OSBPL11: variants seen among roughly 807,000 people sequenced by gnomAD.
The protein encoded by OSBPL11 is oxysterol binding protein like 11, also known as oxysterol-binding protein-related protein 11.
OSBPL11 carries 33 observed loss-of-function variants against 84.4 expected under a neutral mutation model. That is an observed-to-expected ratio of 0.39 (90% CI 0.30 to 0.52). The LOEUF is 0.52. Among genes scored for constraint, OSBPL11 ranks in the 20% least tolerant of loss-of-function variants. OSBPL11 has a pLI of 0.72. For synonymous variants in OSBPL11, 276 were observed against 310.2 expected (o/e 0.89, Z 1.16); for missense variants, 736 against 901.1 (o/e 0.82, Z 2.35).
intron 10 of OSBPL11, among the ~76,000 whole-genome samples, chr3:125,543,704 C>T (rs562351880): frequency 1.3e-5 from 2 of 152,136 alleles, no homozygotes; most frequent in East Asian, 3.9e-4. Flanking sequence ...AGTTCAAGAC[C>T]AGCCTGGCCA....
rs768579636 is a variant in OSBPL11, at chr3:125,594,795, C to G, written c.6G>C (p.Gln2His). 2 of 1,613,514 alleles carry G rather than the reference C, an allele frequency of 1.2e-6. No individual in the cohort carries two copies. The highest frequency in any genetic ancestry group is 2.2e-5 in the South Asian group (2 of 91,064). Residue 2 changes from glutamine (Q) to histidine (H), a missense_variant, in exon 1 of 13, where the codon CAG (glutamine) becomes CAC (histidine). Coordinates refer to ENST00000296220, the MANE Select transcript of OSBPL11 (RefSeq NM_022776.5). Reference protein sequence around the residue: MQGGEPVSTMKV... With the variant: MHGGEPVSTMKV... ...TCATTGTGGACACTGGTTCACCCCC[C>G]TGCATCTTAACGCCAAAGTCCACTT...
At chr3:125,534,091 C>T (rs1935601915) in intron 11 of OSBPL11, among the ~76,000 whole-genome samples, 1 of 152,062 alleles carries the variant, frequency 6.6e-6, no homozygotes. Context: ...GCACATGAAA[C>T]ATTTACCAAG....
At chr3:125,538,783 G>A in intron 10 of OSBPL11, 150 bp from the exon 11 acceptor site, 1 of 583,310 alleles carries the variant, frequency 1.7e-6, no homozygotes, top group Non-Finnish European at 2.9e-6. Context: ...TAGATTCTTT[G>A]TATGTCCTAA....
At chr3:125,547,362 A>G (rs561948155) in intron 10 of OSBPL11, 44 bp downstream of exon 10, 2 of 1,531,418 alleles carry the variant, frequency 1.3e-6, no homozygotes, top group Admixed American at 3.6e-5. Context: ...ATACAAAATC[A>G]AAGTGGAAGA....
chr3:125,560,770 G>T (rs1319571675), intron 7 of OSBPL11, among the ~76,000 whole-genome samples: 1 of 151,874 alleles, frequency 6.6e-6, no homozygotes, highest in Non-Finnish European at 1.5e-5. Context: ...TTTCTTTTTT[G>T]GGGGGAAAAT....
chr3:125,568,835 G>C (rs558697478), intron 5 of OSBPL11, among the ~76,000 whole-genome samples: 1 of 152,300 alleles, frequency 6.6e-6, no homozygotes, highest in East Asian at 1.9e-4. Flanking sequence ...TGACCTTCAG[G>C]TGTGAGCAGA....
intron 11 of OSBPL11, among the ~76,000 whole-genome samples, chr3:125,536,886 C>T (rs867341499): frequency 2.0e-5 from 3 of 151,964 alleles, no homozygotes; most frequent in African/African-American, 4.8e-5. Context: ...CGGCCAGGCA[C>T]GGTGGCTCAT....
intron 10 of OSBPL11, among the ~76,000 whole-genome samples, chr3:125,543,703 C>A (rs1935768923): frequency 6.6e-6 from 1 of 152,076 alleles, no homozygotes; most frequent in South Asian, 2.1e-4. Flanking sequence ...GAGTTCAAGA[C>A]CAGCCTGGCC....
Position 125,595,290 on chromosome 3 carries a change from A to G in OSBPL11, c.-490T>C, listed in dbSNP as rs1431816569. Reference sequence around the variant, plus strand: ...GGCAGTTCCCGCCGCAGCCCCCGAGATACAGCCAGGGCCGGCGCGCGCAGC... The same window carrying G: ...GGCAGTTCCCGCCGCAGCCCCCGAGGTACAGCCAGGGCCGGCGCGCGCAGC... On this transcript the variant is annotated 5_prime_UTR_variant, in exon 1 of 13. Coordinates refer to ENST00000296220, the MANE Select transcript of OSBPL11 (RefSeq NM_022776.5). Among the ~76,000 whole-genome samples, 1 of 151,870 alleles carries G rather than the reference A, an allele frequency of 6.6e-6. No homozygotes were observed. The highest frequency in any genetic ancestry group is 2.1e-4 in the South Asian group (1 of 4,806).
At position 125,592,657 on chromosome 3, in the gene OSBPL11, T is replaced by C. The variant is rs372942706; in HGVS notation, c.164+1980A>G. Among the ~76,000 whole-genome samples, 5 of 152,262 alleles carry C rather than the reference T, an allele frequency of 3.3e-5. 1 individual carries two copies. The highest frequency in any genetic ancestry group is 1.3e-4 in the Admixed American group (2 of 15,280). On this transcript the variant is annotated intron_variant, in intron 1 of 12. Transcript: ENST00000296220. ...TATGTAAGGGAAATGTTTCATTGTATATACTCATCCCTTTACCTATTGAAA... is the reference window on the plus strand; with the variant it reads ...TATGTAAGGGAAATGTTTCATTGTACATACTCATCCCTTTACCTATTGAAA...
At chr3:125,539,928 G>T (rs1935705692) in intron 10 of OSBPL11, among the ~76,000 whole-genome samples, 1 of 152,156 alleles carries the variant, frequency 6.6e-6, no homozygotes, top group Admixed American at 6.6e-5. Context: ...AAGCCTAGAG[G>T]TTCAAGTGAC....
At chr3:125,586,115 A>G (rs1361619932) in intron 1 of OSBPL11, among the ~76,000 whole-genome samples, 2 of 152,192 alleles carry the variant, frequency 1.3e-5, no homozygotes, top group Non-Finnish European at 2.9e-5. Flanking sequence ...ATTTTTATAG[A>G]ATATTTTTAA....
In OSBPL11 at chr3:125,595,306, C is replaced by A. The variant is rs1936667049; in HGVS notation, c.-506G>T. Among the ~76,000 whole-genome samples, 1 of 151,900 alleles carries A rather than the reference C, an allele frequency of 6.6e-6. No individual in the cohort carries two copies. The highest frequency in any genetic ancestry group is 2.1e-4 in the South Asian group (1 of 4,802). On this transcript the variant is annotated 5_prime_UTR_variant, in exon 1 of 13. Coordinates refer to ENST00000296220, the MANE Select transcript of OSBPL11 (RefSeq NM_022776.5). ...GCCCCCGAGATACAGCCAGGGCCGG[C>A]GCGCGCAGCCGGGGAGGAGGGTCGG...
intron 1 of OSBPL11, 149 bp downstream of exon 1, chr3:125,594,488 G>T: frequency 2.2e-6 from 2 of 889,712 alleles, no homozygotes; most frequent in South Asian, 1.8e-5. Flanking sequence ...AATCTTTTAG[G>T]CGAGGTCCCA....
chr3:125,592,781 A>C (rs1234307509), intron 1 of OSBPL11, among the ~76,000 whole-genome samples: 2 of 152,104 alleles, frequency 1.3e-5, no homozygotes, highest in African/African-American at 4.8e-5. Context: ...AAATATTAAG[A>C]CCTAACAGGA....
rs748372943 is a variant in OSBPL11, at chr3:125,531,946, T to C, written c.2093A>G (p.His698Arg). 2.5e-6 allele frequency: 4 copies of C among 1,614,066 alleles called. No homozygotes were observed. The South Asian group carries it at 3.3e-5, about 13-fold the overall frequency. The change falls in exon 12 of 13, where the codon CAT (histidine) becomes CGT (arginine). Residue 698 changes from histidine (H) to arginine (R), a missense_variant. By Grantham distance (29) the His-to-Arg change is conservative. Transcript: ENST00000296220. Reference sequence around the variant, plus strand: ...AGTCCTCTGACGTTCTTCCAGGGTATGCTTATGCTCTGTGGCCTTATCAAT... The same window carrying C: ...AGTCCTCTGACGTTCTTCCAGGGTACGCTTATGCTCTGTGGCCTTATCAAT... Reference protein sequence around the residue: ...SEIDKATEHKHTLEERQRTEE... With the variant: ...SEIDKATEHKRTLEERQRTEE...
In OSBPL11 at chr3:125,529,486, C is replaced by T. The variant is rs1019402051; in HGVS notation, c.*1029G>A. 4 of 150,808 alleles carry T rather than the reference C, an allele frequency of 2.7e-5. No homozygotes were observed. Among genetic ancestry groups the T allele is most frequent in the African/African-American group, 9.7e-5 (4 of 41,074 alleles). 9.3% of individuals were successfully genotyped at this position (150,808 alleles called of 1,614,324 possible). A position where few individuals can be genotyped will look rare whatever the true frequency, so the allele number is the denominator to read the frequency against. ...AATAAATAAAACCATACCTTACATGCGCGTTCAGTTACACATATAAGTTTT... is the reference window on the plus strand; with the variant it reads ...AATAAATAAAACCATACCTTACATGTGCGTTCAGTTACACATATAAGTTTT... On this transcript the variant is annotated 3_prime_UTR_variant, in exon 13 of 13. Coordinates refer to ENST00000296220, the MANE Select transcript of OSBPL11 (RefSeq NM_022776.5).
intron 8 of OSBPL11, among the ~76,000 whole-genome samples, chr3:125,559,457 C>T (rs1936042062): frequency 6.6e-6 from 1 of 152,114 alleles, no homozygotes; most frequent in Non-Finnish European, 1.5e-5. Flanking sequence ...GGCACAATCT[C>T]AGCTCACTGC....
chr3:125,552,619 T>C lies in OSBPL11; in HGVS notation c.1216A>G (p.Met406Val), dbSNP rs949823309. ...RSLLEMYADF[M>V]SHPDLFIAIT... is the part of the protein sequence containing the mutation. ...GCTATAAATAGGTCTGGATGAGACA[T>C]AAAGTCTGCATACATTTCCAGCAAG... Residue 406 changes from methionine to valine, a missense_variant, in exon 9 of 13, where the codon ATG becomes GTG. Physicochemically the swap from Met to Val is conservative, Grantham distance 21. Coordinates refer to ENST00000296220, the MANE Select transcript of OSBPL11 (RefSeq NM_022776.5). 1.9e-6 allele frequency: 3 copies of C among 1,614,082 alleles called. No individual in the cohort carries two copies. The highest frequency in any genetic ancestry group is 2.5e-6 in the Non-Finnish European group (3 of 1,179,958).
Sources: allele counts gnomAD v4.1 joint callset (sites outside exome capture counted in the v4.1 genomes callset), GRCh38; gene constraint gnomAD v4.1.1; transcripts MANE v1.5; gene names NCBI Gene and HGNC (gene_info 2026-07-23, HGNC 2026-07-21).